The following CASZ1 variants were observed in gnomAD, a reference collection of about 807,000 sequenced individuals.
CASZ1 encodes castor zinc finger 1, also known as zinc finger protein castor homolog 1.
In CASZ1, 28 loss-of-function variants were observed where a neutral mutation model predicts 135.2. The observed-to-expected ratio is 0.21, with a 90% CI of 0.15 to 0.28. CASZ1 has a LOEUF of 0.28. Among genes scored for constraint, CASZ1 ranks in the 10% least tolerant of loss-of-function variants. CASZ1 has a pLI of 1.00. For missense variants in CASZ1, 2,161 were observed against 2,453.3 expected, an observed-to-expected ratio of 0.88 and a Z score of 2.52; for synonymous variants, 1,068 against 1,073.4, an observed-to-expected ratio of 0.99 and a Z score of 0.10.
rs1340135602 is a variant in CASZ1 at position 10,724,851 on chromosome 1, G to A, written c.-76-19307C>T. On this transcript the variant is annotated intron_variant, in intron 2 of 20. Coordinates refer to ENST00000377022, the MANE Select transcript of CASZ1 (RefSeq NM_001079843.3). The surrounding 1 kb of genome is among the most constrained non-coding windows in gnomAD (Gnocchi z 4.1). Reference sequence around the variant, plus strand: ...CATAAGGGGGACACAGCCAACCTGGGGAAGAGAAGGTGCTCAACTTCTCTC... The same window carrying A: ...CATAAGGGGGACACAGCCAACCTGGAGAAGAGAAGGTGCTCAACTTCTCTC... 6.6e-6 allele frequency among the ~76,000 whole-genome samples: 1 copy of A among 152,204 alleles called. No homozygotes were observed. Among genetic ancestry groups the A allele is most frequent in the East Asian group, 1.9e-4 (1 of 5,190 alleles).
chr1:10,746,689 C>A (rs565643264), intron 2 of CASZ1, among the ~76,000 whole-genome samples: 10 of 152,344 alleles, frequency 6.6e-5, no homozygotes, highest in African/African-American at 2.4e-4. Flanking sequence ...CGTCCTAGAC[C>A]CCAGCCCATG....
rs1192188478 is a variant in CASZ1, at chr1:10,739,810, C to G, written c.-77+20891G>C. 6.6e-6 allele frequency among the ~76,000 whole-genome samples: 1 copy of G among 152,324 alleles called. No homozygotes were observed. Among genetic ancestry groups the G allele is most frequent in the South Asian group, 2.1e-4 (1 of 4,830 alleles). On this transcript the variant is annotated intron_variant, in intron 2 of 20. Transcript: ENST00000377022. This position sits in a 1 kb window ranked among gnomAD's most constrained non-coding sequence, Gnocchi z 4.8. ...CACATGCCTTTTGCCACCTCCCCCA[C>G]TGGTCCTGGCTCTTCCTTCCCCGCT...
At chr1:10,782,548 G>A (rs1231106652) in intron 1 of CASZ1, among the ~76,000 whole-genome samples, 7 of 152,240 alleles carry the variant, frequency 4.6e-5, no homozygotes, top group African/African-American at 1.7e-4. Context: ...GGGACTGAGC[G>A]GCAGGTCCCA....
Position 10,725,637 on chromosome 1 carries a change from C to T in CASZ1, c.-76-20093G>A, listed in dbSNP as rs1639582335. ...TTTGAAACTGGAGTTCATTCAGCTA[C>T]CATGTTACAATCCAGTCACACTCCA... On this transcript the variant is annotated intron_variant, in intron 2 of 20. Coordinates refer to ENST00000377022, the MANE Select transcript of CASZ1 (RefSeq NM_001079843.3). This position sits in a 1 kb window ranked among gnomAD's most constrained non-coding sequence, Gnocchi z 4.4. Among the ~76,000 whole-genome samples, 1 of 152,084 alleles carries T rather than the reference C, an allele frequency of 6.6e-6. No individual in the cohort carries two copies. Among genetic ancestry groups the T allele is most frequent in the South Asian group, 2.1e-4 (1 of 4,826 alleles).
chr1:10,745,669 G>T (rs960800908), intron 2 of CASZ1, among the ~76,000 whole-genome samples: 5 of 152,166 alleles, frequency 3.3e-5, no homozygotes, highest in Admixed American at 6.5e-5. Flanking sequence ...TCCTGGGTGT[G>T]GATTTTGGAA....
chr1:10,698,939 G>A (rs572329580), intron 3 of CASZ1, among the ~76,000 whole-genome samples: 2 of 152,330 alleles, frequency 1.3e-5, no homozygotes, highest in East Asian at 3.9e-4. Flanking sequence ...GGACCGGACC[G>A]GAGGCAGCCA....
rs1639492372 is a variant in CASZ1, at chr1:10,721,306, T to C, written c.-76-15762A>G. ...CTGATCTTAGGGAAAAAAAAACCCA[T>C]CAAAATAACTATTTTATGTCTCCAA... On this transcript the variant is annotated intron_variant, in intron 2 of 20. Transcript: ENST00000377022. The surrounding 1 kb of genome is among the most constrained non-coding windows in gnomAD (Gnocchi z 5.4). 6.6e-6 allele frequency among the ~76,000 whole-genome samples: 1 copy of C among 150,780 alleles called. No homozygotes were observed. The highest frequency in any genetic ancestry group is 2.4e-5 in the African/African-American group (1 of 41,184).
At chr1:10,696,438 G>A (rs1055186187) in intron 3 of CASZ1, among the ~76,000 whole-genome samples, 10 of 152,228 alleles carry the variant, frequency 6.6e-5, no homozygotes, top group Non-Finnish European at 1.2e-4. Flanking sequence ...TGCCCGTACC[G>A]GGCACCCAGC....
At position 10,721,525 on chromosome 1, in the gene CASZ1, C is replaced by T. The variant is rs1030869782; in HGVS notation, c.-76-15981G>A. Among the ~76,000 whole-genome samples, 4 of 152,158 alleles carry T rather than the reference C, an allele frequency of 2.6e-5. No homozygotes were observed. Among genetic ancestry groups the T allele is most frequent in the Non-Finnish European group, 5.9e-5 (4 of 68,028 alleles). On this transcript the variant is annotated intron_variant, in intron 2 of 20. Coordinates refer to ENST00000377022, the MANE Select transcript of CASZ1 (RefSeq NM_001079843.3). The surrounding 1 kb of genome is among the most constrained non-coding windows in gnomAD (Gnocchi z 5.4). The stretch of plus-strand genomic sequence containing the variant: ...TTCATAGGATCTCCTCCATTCCCGG[C>T]TCGCAGGGAGCTTGAAACCAGGACT...
chr1:10,672,273 G>C (rs1165413915), intron 4 of CASZ1, among the ~76,000 whole-genome samples: 2 of 102,022 alleles, frequency 2.0e-5, no homozygotes, highest in African/African-American at 7.5e-5. Flanking sequence ...TCAGCCGCCC[G>C]GCCGCCCAGC....
rs749197839 is a variant in CASZ1 at position 10,660,442 on chromosome 1, C to T, written c.600G>A (p.Leu200=). ...GCTTCTCAAAGCTGATCTTCCTGGC[C>T]AGCTCGTCCCGCGTGTTCTGGTCAT... is the stretch of plus-strand genomic sequence containing the variant. ...GYDDQNTRDE[L]ARKISFEKLH... Residue 200 remains leucine, a synonymous_variant, in exon 6 of 21, where the codon CTG becomes CTA. Transcript: ENST00000377022. 7 of 1,614,072 alleles carry T rather than the reference C, an allele frequency of 4.3e-6. No homozygotes were observed. The highest frequency in any genetic ancestry group is 4.2e-6 in the Non-Finnish European group (5 of 1,180,028).
At chr1:10,761,295 C>T (rs1196823886) in intron 1 of CASZ1, among the ~76,000 whole-genome samples, 1 of 152,336 alleles carries the variant, frequency 6.6e-6, no homozygotes, top group South Asian at 2.1e-4. Flanking sequence ...AACGCCTGCT[C>T]CCTCCAGACT....
chr1:10,664,514 T>C (rs1318201904), intron 5 of CASZ1, among the ~76,000 whole-genome samples: 1 of 152,104 alleles, frequency 6.6e-6, no homozygotes, highest in Non-Finnish European at 1.5e-5. Context: ...GCAATCCATG[T>C]GGCCCTGAGA....
rs1234283872 is a variant in CASZ1, at chr1:10,756,483, A to G, written c.-77+4218T>C. On this transcript the variant is annotated intron_variant, in intron 2 of 20. Transcript: ENST00000377022. This position sits in a 1 kb window ranked among gnomAD's most constrained non-coding sequence, Gnocchi z 5.9. Reference sequence around the variant, plus strand: ...GGCTGTGACAGCTTCACGCTCGCCAACCAGGCCTCTGGCTTGCTCCAGGGC... The same window carrying G: ...GGCTGTGACAGCTTCACGCTCGCCAGCCAGGCCTCTGGCTTGCTCCAGGGC... Among the ~76,000 whole-genome samples, 1 of 152,210 alleles carries G rather than the reference A, an allele frequency of 6.6e-6. No individual in the cohort carries two copies.
intron 1 of CASZ1, among the ~76,000 whole-genome samples, chr1:10,761,939 G>A (rs879727323): frequency 1.3e-5 from 2 of 152,110 alleles, no homozygotes; most frequent in South Asian, 2.1e-4. Context: ...CCCCCTTTGC[G>A]GGAAGATTGC....
At chr1:10,661,485 C>G (rs1349896007) in intron 5 of CASZ1, 15 of 149,536 alleles carry the variant, frequency 1.0e-4, no homozygotes, top group African/African-American at 3.5e-4. Flanking sequence ...CACACACGGT[C>G]ACATGCACAC....
In CASZ1 at chr1:10,722,584, A is replaced by C. The variant is rs74673250; in HGVS notation, c.-76-17040T>G. On this transcript the variant is annotated intron_variant, in intron 2 of 20. Coordinates refer to ENST00000377022, the MANE Select transcript of CASZ1 (RefSeq NM_001079843.3). The stretch of plus-strand genomic sequence containing the variant: ...CTCCAAGTTTCCAAGGACACTGAAA[A>C]CTGGGTGCTGGGAGCCCAAGTGGGC... 8.1e-3 allele frequency among the ~76,000 whole-genome samples: 1,234 copies of C among 152,288 alleles called. 55 individuals are homozygous for C. In the East Asian group the frequency reaches 0.13, roughly 16 times the overall value.
chr1:10,693,739 C>A lies in CASZ1; in HGVS notation c.16+135G>T, dbSNP rs781251415. 5.9e-4 allele frequency: 486 copies of A among 820,692 alleles called. 4 individuals are homozygous for A. The highest frequency in any genetic ancestry group is 5.8e-4 in the Non-Finnish European group (280 of 482,932). 50.8% of individuals were successfully genotyped at this position (820,692 alleles called of 1,614,324 possible). On this transcript the variant is annotated intron_variant, in intron 4 of 20. Transcript: ENST00000377022. ...AGTCGCCGATCCCGAGGCCGGGACG[C>A]CGGGAGGCAGCCGCCCGACCCTCCC...
chr1:10,660,294 C>T lies in CASZ1; in HGVS notation c.748G>A (p.Glu250Lys), dbSNP rs144260647. Reference protein sequence around the residue: ...EEYIRKLKAGEQLSWPAPSTK... With the variant: ...EEYIRKLKAGKQLSWPAPSTK... ...CTGGGGGCCGGCCAGGAGAGCTGCTCGCCAGCCTTGAGCTTGCGGATGTAC... is the reference window on the plus strand; with the variant it reads ...CTGGGGGCCGGCCAGGAGAGCTGCTTGCCAGCCTTGAGCTTGCGGATGTAC... The change falls in exon 6 of 21, where the codon GAG becomes AAG. Residue 250 changes from glutamate (E) to lysine (K), a missense_variant. Glu to Lys is a moderately conservative substitution (Grantham distance 56, BLOSUM62 1). Transcript: ENST00000377022. The T allele has an allele frequency of 1.4e-5, 23 of 1,613,938 alleles. No homozygotes were observed. The highest frequency in any genetic ancestry group is 1.6e-4 in the Middle Eastern group (1 of 6,084).
Sources: gnomAD v4.1 joint callset for allele counts (sites outside exome capture counted in the v4.1 genomes callset) on GRCh38, gnomAD v4.1.1 for gene constraint, Gnocchi (gnomAD v3.1) non-coding constraint, MANE v1.5 for transcripts, NCBI Gene and HGNC (gene_info 2026-07-23, HGNC 2026-07-21) for gene names.